The following PCDHGA10 variants were observed in gnomAD, a reference collection of about 807,000 sequenced individuals.
The protein encoded by PCDHGA10 is protocadherin gamma-A10.
Under a neutral mutation model 59.5 loss-of-function variants are expected in PCDHGA10, and 42 were observed. That is an observed-to-expected ratio of 0.71 (90% CI 0.55 to 0.91). PCDHGA10 has a LOEUF of 0.91. Among genes scored for constraint, PCDHGA10 ranks in the 40% least tolerant of loss-of-function variants. The pLI, the probability that PCDHGA10 is intolerant of heterozygous loss-of-function variation, is 0.00. For synonymous variants in PCDHGA10, 511 were observed against 517.2 expected, an observed-to-expected ratio of 0.99 and a Z score of 0.16; for missense variants, 1,111 against 1,198.2, an observed-to-expected ratio of 0.93 and a Z score of 1.07.
chr5:141,492,723 C>T (rs896613323), intron 1 of PCDHGA10, among the ~76,000 whole-genome samples: 2 of 152,268 alleles, frequency 1.3e-5, no homozygotes, highest in African/African-American at 4.8e-5. Flanking sequence ...GGCGGACAGG[C>T]AGAGCTGCCC....
rs754225999 is a variant in PCDHGA10, at chr5:141,489,509, T to C, written c.2437-5298T>C. The C allele has an allele frequency of 1.2e-6, 2 of 1,614,062 alleles. No homozygotes were observed. The highest frequency in any genetic ancestry group is 1.1e-5 in the South Asian group (1 of 91,074). On this transcript the variant is annotated intron_variant, in intron 1 of 3. Coordinates refer to ENST00000398610, the MANE Select transcript of PCDHGA10 (RefSeq NM_018913.3). The surrounding 1 kb of genome is among the most constrained non-coding windows in gnomAD (Gnocchi z 4.5). ...GGTGCCCTGGCAGTGAATCAAAAGA[T>C]TGACCGAGAAAGCCTATGTGGAGCC...
At chr5:141,435,391 A>C (rs1328617100) in intron 1 of PCDHGA10, among the ~76,000 whole-genome samples, 5 of 152,202 alleles carry the variant, frequency 3.3e-5, no homozygotes, top group African/African-American at 1.2e-4. Flanking sequence ...CCGTATTGCC[A>C]TGACGAAAAA....
Position 141,432,155 on chromosome 5 carries a change from C to T in PCDHGA10, c.2436+16544C>T, listed in dbSNP as rs368480052. 3.8e-5 allele frequency: 62 copies of T among 1,614,178 alleles called. No individual in the cohort carries two copies. In the African/African-American group the frequency reaches 7.1e-4, roughly 18 times the overall value. On this transcript the variant is annotated intron_variant, in intron 1 of 3. Coordinates refer to ENST00000398610, the MANE Select transcript of PCDHGA10 (RefSeq NM_018913.3). This position sits in a 1 kb window ranked among gnomAD's most constrained non-coding sequence, Gnocchi z 6.0. ...TTCCGCTTATATCCCAGAGAACAATCCCAGAGGAGTTTCCCTCGTCTCTGT... is the reference window on the plus strand; with the variant it reads ...TTCCGCTTATATCCCAGAGAACAATTCCAGAGGAGTTTCCCTCGTCTCTGT...
chr5:141,420,934 C>A (rs2096533899), intron 1 of PCDHGA10: 2 of 377,936 alleles, frequency 5.3e-6, no homozygotes, highest in South Asian at 5.3e-5. Flanking sequence ...TGAGCGTAAT[C>A]ATTTCTTCTG....
At chr5:141,418,357 G>T (rs375883635) in intron 1 of PCDHGA10, 2 of 1,613,864 alleles carry the variant, frequency 1.2e-6, no homozygotes, top group African/African-American at 2.7e-5. Flanking sequence ...GTATGAATTC[G>T]CTGAGCAAAT....
chr5:141,419,470 G>A (rs2096387963), intron 1 of PCDHGA10: 1 of 1,612,362 alleles, frequency 6.2e-7, no homozygotes, highest in African/African-American at 1.3e-5. Context: ...CCCGCGACCA[G>A]GGCTCGCCCG....
At chr5:141,417,940 C>G in intron 1 of PCDHGA10, 2 of 1,613,052 alleles carry the variant, frequency 1.2e-6, no homozygotes, top group Non-Finnish European at 1.7e-6. Context: ...TGTTCTACCC[C>G]ACGCTGTGTG....
At chr5:141,444,864 A>G (rs1304165078) in intron 1 of PCDHGA10, among the ~76,000 whole-genome samples, 1 of 152,210 alleles carries the variant, frequency 6.6e-6, no homozygotes, top group African/African-American at 2.4e-5. Context: ...GTCTTACTAC[A>G]GGACAAAGCT....
At position 141,503,509 on chromosome 5, in the gene PCDHGA10, G is replaced by A. The variant is rs373282648; in HGVS notation, c.2496-1884G>A. ...AGCTGCTCAAGAGGCTGAGGCAGGA[G>A]AATCACTTGAACCTGGGAGGCAGAG... On this transcript the variant is annotated intron_variant, in intron 2 of 3. Transcript: ENST00000398610. Among the ~76,000 whole-genome samples the A allele has an allele frequency of 9.4e-5, 14 of 149,410 alleles. No individual in the cohort carries two copies. The South Asian group carries it at 1.5e-3, about 16-fold the overall frequency.
chr5:141,506,025 A>T (rs2099850088), intron 3 of PCDHGA10, among the ~76,000 whole-genome samples: 1 of 152,150 alleles, frequency 6.6e-6, no homozygotes, highest in African/African-American at 2.4e-5. Context: ...CCCTAACTCC[A>T]GAGTAGGATT....
chr5:141,419,730 G>A (rs747960969), intron 1 of PCDHGA10: 9 of 1,613,746 alleles, frequency 5.6e-6, no homozygotes, highest in Non-Finnish European at 7.6e-6. Context: ...CTGCGAACAG[G>A]CGAGGTGCGC....
chr5:141,494,935 G>A, intron 2 of PCDHGA10, 70 bp downstream of exon 2: 1 of 1,612,482 alleles, frequency 6.2e-7, no homozygotes, highest in Non-Finnish European at 8.5e-7. Flanking sequence ...GGGAGGAGAT[G>A]GGGGAGGGCC....
In PCDHGA10 at chr5:141,431,615, G is replaced by C. The variant is rs1231591874; in HGVS notation, c.2436+16004G>C. The C allele has an allele frequency of 1.2e-6, 2 of 1,614,118 alleles. No individual in the cohort carries two copies. Among genetic ancestry groups the C allele is most frequent in the Non-Finnish European group, 8.5e-7 (1 of 1,180,050 alleles). ...GAGGTATTCCTTCCGGTATGTGGACGACAAGGCGGCCCAAGTTTTCAAACT... is the reference window on the plus strand; with the variant it reads ...GAGGTATTCCTTCCGGTATGTGGACCACAAGGCGGCCCAAGTTTTCAAACT... On this transcript the variant is annotated intron_variant, in intron 1 of 3. Coordinates refer to ENST00000398610, the MANE Select transcript of PCDHGA10 (RefSeq NM_018913.3). This position sits in a 1 kb window ranked among gnomAD's most constrained non-coding sequence, Gnocchi z 4.8.
At chr5:141,420,722 A>G (rs1428516588) in intron 1 of PCDHGA10, among the ~76,000 whole-genome samples, 1 of 152,226 alleles carries the variant, frequency 6.6e-6, no homozygotes, top group African/African-American at 2.4e-5. Context: ...CGTTCCTTTC[A>G]GTCGGTTAAA....
intron 1 of PCDHGA10, among the ~76,000 whole-genome samples, chr5:141,462,363 G>C (rs1425898350): frequency 6.6e-6 from 1 of 152,132 alleles, no homozygotes; most frequent in Non-Finnish European, 1.5e-5. Context: ...ACATTGTATA[G>C]TTTCTATTCT....
At chr5:141,418,347 G>A in intron 1 of PCDHGA10, 1 of 1,614,024 alleles carries the variant, frequency 6.2e-7, no homozygotes, top group Non-Finnish European at 8.5e-7. Flanking sequence ...CCTGATATTA[G>A]TATGAATTCG....
chr5:141,415,444 T>A lies in PCDHGA10; in HGVS notation c.2269T>A (p.Tyr757Asn), dbSNP rs770800491. 1.9e-6 allele frequency: 3 copies of A among 1,614,184 alleles called. No homozygotes were observed. The highest frequency in any genetic ancestry group is 2.5e-6 in the Non-Finnish European group (3 of 1,180,040). The change falls in exon 1 of 4, where the codon TAT becomes AAT. Residue 757 changes from tyrosine (Y) to asparagine (N), a missense_variant. Coordinates refer to ENST00000398610, the MANE Select transcript of PCDHGA10 (RefSeq NM_018913.3). ...VDGVRAFLQT[Y>N]SHEVSLTADS... ...CGGGGTTCGGGCTTTCCTGCAGACC[T>A]ATTCCCACGAGGTCTCTCTCACCGC...
intron 1 of PCDHGA10, among the ~76,000 whole-genome samples, chr5:141,449,081 C>T (rs2098627623): frequency 6.6e-6 from 1 of 152,180 alleles, no homozygotes; most frequent in South Asian, 2.1e-4. Flanking sequence ...CCTGTACCTA[C>T]ATCAGTTTTT....
chr5:141,414,964 G>C lies in PCDHGA10; in HGVS notation c.1789G>C (p.Ala597Pro), dbSNP rs1245472476. 11 of 1,613,874 alleles carry C rather than the reference G, an allele frequency of 6.8e-6. No individual in the cohort carries two copies. Among genetic ancestry groups the C allele is most frequent in the Non-Finnish European group, 9.3e-6 (11 of 1,180,052 alleles). The change falls in exon 1 of 4, where the codon GCG becomes CCG. Residue 597 changes from alanine (A) to proline (P), a missense_variant. Coordinates refer to ENST00000398610, the MANE Select transcript of PCDHGA10 (RefSeq NM_018913.3). The part of the protein sequence containing the change: ...EPGYLVTKVV[A>P]VDRDSGQNAW... The stretch of plus-strand genomic sequence containing the variant: ...CGGCTACCTGGTGACCAAGGTGGTG[G>C]CGGTGGACAGAGACTCCGGCCAGAA...
Sources: allele counts gnomAD v4.1 joint callset (sites outside exome capture counted in the v4.1 genomes callset), GRCh38; gene constraint gnomAD v4.1.1; non-coding constraint Gnocchi (gnomAD v3.1); transcripts MANE v1.5; gene names NCBI Gene and HGNC (gene_info 2026-07-23, HGNC 2026-07-21).